NBEA: variants seen among roughly 807,000 people sequenced by gnomAD.
The protein encoded by NBEA is neurobeachin.
Under a neutral mutation model 343.4 loss-of-function variants are expected in NBEA, and 44 were observed. The observed-to-expected ratio is 0.13, with a 90% CI of 0.10 to 0.16. NBEA has a LOEUF of 0.16. Ranked by LOEUF, NBEA falls within the 10% of genes least tolerant of loss-of-function variation. The pLI is 1.00. For missense variants in NBEA, 2,555 were observed against 3,631.3 expected, an observed-to-expected ratio of 0.70 and a Z score of 7.62; for synonymous variants, 1,175 against 1,238.7, an observed-to-expected ratio of 0.95 and a Z score of 1.08.
intron 1 of NBEA, among the ~76,000 whole-genome samples, chr13:35,028,823 C>G (rs952122216): frequency 5.9e-5 from 9 of 151,444 alleles, no homozygotes; most frequent in African/African-American, 2.2e-4. Context: ...CTTTCTTTCT[C>G]TATGAACTTG....
intron 48 of NBEA, among the ~76,000 whole-genome samples, chr13:35,618,319 G>A (rs1044699629): frequency 5.3e-5 from 8 of 152,208 alleles, no homozygotes; most frequent in Non-Finnish European, 1.2e-4. Flanking sequence ...TATCATTGAT[G>A]ATTAAATGCC....
chr13:35,248,802 A>G lies in NBEA; in HGVS notation c.5776+16183A>G, dbSNP rs1593925311. ...ACCAAAATTAACTCAAAATGCATTA[A>G]AAACCTAAATGTAACACCCAAAACT... On this transcript the variant is annotated intron_variant, in intron 34 of 58. Transcript: ENST00000379939. Among the ~76,000 whole-genome samples the G allele has an allele frequency of 2.6e-5, 4 of 152,314 alleles. 1 individual carries two copies. The highest frequency in any genetic ancestry group is 9.6e-5 in the African/African-American group (4 of 41,580).
intron 1 of NBEA, among the ~76,000 whole-genome samples, chr13:34,980,327 AATCATTAGT>A (rs1174465717): frequency 2.6e-5 from 4 of 152,042 alleles, no homozygotes; most frequent in Non-Finnish European, 1.5e-5. Flanking sequence ...ACTGTCTTCA[AATCATTAGT>A]ATCATGTATC....
At chr13:35,210,883 A>T (rs565581661) in intron 32 of NBEA, among the ~76,000 whole-genome samples, 170 bp from the exon 33 acceptor site, 2 of 152,200 alleles carry the variant, frequency 1.3e-5, no homozygotes, top group Non-Finnish European at 2.9e-5. Flanking sequence ...AACATCTGTT[A>T]TATAAAATTA....
In NBEA at chr13:35,159,520, A is replaced by ATCATTAAAAAAAATGAAGAAAAGG; in HGVS notation, c.3350_3373dup (p.Lys1124_Asp1125insValIleLysLysAsnGluGluLys). 2 of 1,613,150 alleles carry ATCATTAAAAAAAATGAAGAAAAGG rather than the reference A, an allele frequency of 1.2e-6. No individual in the cohort carries two copies. Among genetic ancestry groups the ATCATTAAAAAAAATGAAGAAAAGG allele is most frequent in the Non-Finnish European group, 1.7e-6 (2 of 1,179,630 alleles). On this transcript the variant is annotated inframe_insertion, in exon 22 of 59. Coordinates refer to ENST00000379939, the MANE Select transcript of NBEA (RefSeq NM_001385012.1). Reference sequence around the variant, plus strand: ...GAACAATGTACATGGAAGTGTTGGTATCATTAAAAAAAATGAAGAAAAGGA... The same window carrying ATCATTAAAAAAAATGAAGAAAAGG: ...GAACAATGTACATGGAAGTGTTGGTATCATTAAAAAAAATGAAGAAAAGGTCATTAAAAAAAATGAAGAAAAGGA...
intron 13 of NBEA, among the ~76,000 whole-genome samples, chr13:35,111,372 T>C (rs2066197110): frequency 6.6e-6 from 1 of 151,930 alleles, no homozygotes; most frequent in African/African-American, 2.4e-5. Context: ...CTGACTATAA[T>C]GGAAACTAAT....
In NBEA at chr13:35,171,435, G is replaced by T. The variant is rs2070454395; in HGVS notation, c.4406G>T (p.Arg1469Leu). ...AACATGTCTTCTGGAGGTTTAATGC[G>T]ACAGTGCCTAAGATTAGGTAAGTCT... Reference protein sequence around the residue: ...EKNMSSGGLMRQCLRLVCCVA... With the variant: ...EKNMSSGGLMLQCLRLVCCVA... The change falls in exon 26 of 59, where the codon CGA becomes CTA. Residue 1469 changes from arginine to leucine, a missense_variant. Around this residue, in one of 21 missense-constraint regions of NBEA, gnomAD observed 168 missense variants for 193.0 expected, o/e 0.87. Transcript: ENST00000379939. The T allele has an allele frequency of 1.9e-6, 3 of 1,610,750 alleles. No homozygotes were observed. Among genetic ancestry groups the T allele is most frequent in the South Asian group, 1.1e-5 (1 of 90,754 alleles).
chr13:35,453,793 A>G (rs1012206243), intron 40 of NBEA, among the ~76,000 whole-genome samples: 3 of 152,148 alleles, frequency 2.0e-5, no homozygotes, highest in Non-Finnish European at 4.4e-5. Context: ...TTCAACAAAG[A>G]CTAATAACCT....
chr13:35,349,282 C>A, intron 37 of NBEA, 66 bp downstream of exon 37: 1 of 800,358 alleles, frequency 1.2e-6, no homozygotes, highest in Non-Finnish European at 1.9e-6. Flanking sequence ...CTATCTGTGA[C>A]CTTACATAAG....
At chr13:35,002,012 A>C (rs2061158722) in intron 1 of NBEA, among the ~76,000 whole-genome samples, 1 of 152,172 alleles carries the variant, frequency 6.6e-6, no homozygotes, top group South Asian at 2.1e-4. Flanking sequence ...GGATAGCAGC[A>C]AGAATTATGG....
At chr13:35,452,007 A>C in intron 39 of NBEA, 85 bp from the exon 40 acceptor site, 1 of 933,880 alleles carries the variant, frequency 1.1e-6, no homozygotes, top group Non-Finnish European at 1.6e-6. Flanking sequence ...CATATAATTT[A>C]ATAAAGCAAT....
At chr13:35,468,629 A>C (rs1471257468) in intron 40 of NBEA, among the ~76,000 whole-genome samples, 2 of 151,978 alleles carry the variant, frequency 1.3e-5, no homozygotes, top group Non-Finnish European at 2.9e-5. Context: ...GAGTCTTTTA[A>C]CACCCCTAAG....
At chr13:35,130,695 G>A (rs1343446612) in intron 17 of NBEA, among the ~76,000 whole-genome samples, 1 of 151,544 alleles carries the variant, frequency 6.6e-6, no homozygotes, top group Non-Finnish European at 1.5e-5. Flanking sequence ...CCATTGGCTT[G>A]AGTGTCATAC....
chr13:35,071,267 T>C (rs2063858924), intron 10 of NBEA, among the ~76,000 whole-genome samples: 1 of 152,020 alleles, frequency 6.6e-6, no homozygotes, highest in Non-Finnish European at 1.5e-5. Flanking sequence ...AATTTATATC[T>C]TAAAGAATGG....
chr13:35,448,176 C>T (rs1029083585), intron 39 of NBEA, among the ~76,000 whole-genome samples: 16 of 152,074 alleles, frequency 1.1e-4, no homozygotes, highest in African/African-American at 3.9e-4. Flanking sequence ...TGTTTTACTG[C>T]TTTAAAACCA....
intron 38 of NBEA, among the ~76,000 whole-genome samples, chr13:35,410,844 G>T (rs140803550): frequency 6.2e-4 from 95 of 152,300 alleles, no homozygotes; most frequent in African/African-American, 2.2e-3. Context: ...AATTGCACTT[G>T]TTTGATAAGG....
Position 35,330,178 on chromosome 13 carries a change from G to A in NBEA, c.5904-18930G>A, listed in dbSNP as rs532867327. Among the ~76,000 whole-genome samples, 3 of 152,026 alleles carry A rather than the reference G, an allele frequency of 2.0e-5. No individual in the cohort carries two copies. In the South Asian group the frequency reaches 6.2e-4, roughly 32 times the overall value. ...ATCTGTTTCAGTTTTTTTTCTTTGT[G>A]TATAGTGGGGCTAATTGTGCTTAAC... On this transcript the variant is annotated intron_variant, in intron 36 of 58. Coordinates refer to ENST00000379939, the MANE Select transcript of NBEA (RefSeq NM_001385012.1).
In NBEA at chr13:35,475,533, C is replaced by T. The variant is rs143553010; in HGVS notation, c.6585+2997C>T. ...AGAGATTGAAACCTTCCGCCTTGAC[C>T]TCCGCCACCCGGTTGGGTCCCGGCC... is the stretch of plus-strand genomic sequence containing the variant. On this transcript the variant is annotated intron_variant, in intron 41 of 58. Coordinates refer to ENST00000379939, the MANE Select transcript of NBEA (RefSeq NM_001385012.1). 109 of 1,613,090 alleles carry T rather than the reference C, an allele frequency of 6.8e-5. No homozygotes were observed. The African/African-American group carries it at 1.4e-3, about 20-fold the overall frequency.
rs527672882 is a variant in NBEA at position 35,526,635 on chromosome 13, G to A, written c.6586-23842G>A. ...TGGTGCCTTTTCCCAAGTTTTGCTT[G>A]GGCCCACTGGGCTTGTTCTGCCCAC... is the stretch of plus-strand genomic sequence containing the variant. On this transcript the variant is annotated intron_variant, in intron 41 of 58. Coordinates refer to ENST00000379939, the MANE Select transcript of NBEA (RefSeq NM_001385012.1). Among the ~76,000 whole-genome samples, 3 of 152,298 alleles carry A rather than the reference G, an allele frequency of 2.0e-5. No homozygotes were observed. In the East Asian group the frequency reaches 5.8e-4, roughly 29 times the overall value.
Sources: allele counts gnomAD v4.1 joint callset (sites outside exome capture counted in the v4.1 genomes callset), GRCh38; gene constraint gnomAD v4.1.1; regional missense constraint gnomAD v4.1.1; transcripts MANE v1.5; gene names NCBI Gene and HGNC (gene_info 2026-07-23, HGNC 2026-07-21).